MSH5: variants seen among roughly 807,000 people sequenced by gnomAD.
MSH5 encodes mutS homolog 5.
Under a neutral mutation model 107.7 loss-of-function variants are expected in MSH5, and 78 were observed. That is an observed-to-expected ratio of 0.72 (90% confidence interval 0.60 to 0.87). MSH5 has a LOEUF of 0.87. Ranked by LOEUF, MSH5 falls within the 40% of genes least tolerant of loss-of-function variation. MSH5 has a pLI of 0.00. For missense variants in MSH5, 889 were observed against 1,046.6 expected (o/e 0.85, Z 2.08); for synonymous variants, 326 against 399.5 (o/e 0.82, Z 2.19).
intron 8 of MSH5, 134 bp from the exon 9 acceptor site, chr6:31,745,103 C>CAAAAA (rs9279403): frequency 1.1e-4 from 39 of 359,932 alleles, no homozygotes; most frequent in South Asian, 1.7e-4. Flanking sequence ...GACTCCATCT[C>CAAAAA]AAAAAAAAAA....
rs999650322 is a variant in MSH5, at chr6:31,760,228, C to A, written c.1812+12C>A. The A allele has an allele frequency of 3.2e-6, 5 of 1,571,312 alleles. No individual in the cohort carries two copies. In the African/African-American group the frequency reaches 5.5e-5, roughly 17 times the overall value. On this transcript the variant is annotated intron_variant, in intron 19 of 24. Coordinates refer to ENST00000375750, the MANE Select transcript of MSH5 (RefSeq NM_172166.4). The surrounding 1 kb of genome is among the most constrained non-coding windows in gnomAD (Gnocchi z 5.6). Reference sequence around the variant, plus strand: ...TATACCTCAAACAGGTGAGGAGAAGCCCTGCAGCCTGGGCCTCTGGCGTCT... The same window carrying A: ...TATACCTCAAACAGGTGAGGAGAAGACCTGCAGCCTGGGCCTCTGGCGTCT...
At chr6:31,748,271 A>G (rs1328319803) in intron 10 of MSH5, among the ~76,000 whole-genome samples, 1 of 151,506 alleles carries the variant, frequency 6.6e-6, no homozygotes, top group Non-Finnish European at 1.5e-5. Flanking sequence ...CACCTTCTCA[A>G]GCCATGAACC....
Position 31,759,110 on chromosome 6 carries a change from T to C in MSH5, c.1340T>C (p.Leu447Pro), listed in dbSNP as rs1270579111. ...VIYIPLIGFL[L>P]SIPRLPSMVE... is the part of the protein sequence containing the mutation. ...TACTCTCCCCAGATTGGCTTCCTTC[T>C]TTCTATTCCCCGCCTGCCTTCCATG... Residue 447 changes from leucine to proline, a missense_variant, in exon 16 of 25, where the codon CTT becomes CCT. By Grantham distance (98) the Leu-to-Pro change is moderately conservative (BLOSUM62 -3). Coordinates refer to ENST00000375750, the MANE Select transcript of MSH5 (RefSeq NM_172166.4). The surrounding 1 kb of genome is among the most constrained non-coding windows in gnomAD (Gnocchi z 4.7). 1.2e-6 allele frequency: 2 copies of C among 1,612,926 alleles called. No homozygotes were observed. Among genetic ancestry groups the C allele is most frequent in the African/African-American group, 1.3e-5 (1 of 74,936 alleles).
chr6:31,753,748 G>A, intron 12 of MSH5, 119 bp downstream of exon 12: 1 of 822,514 alleles, frequency 1.2e-6, no homozygotes. Context: ...TTTTTTTTTT[G>A]GAGACAGCCT....
Position 31,759,907 on chromosome 6 carries a change from C to T in MSH5, c.1617C>T (p.Ala539=). The T allele has an allele frequency of 1.2e-6, 2 of 1,614,192 alleles. No homozygotes were observed. The highest frequency in any genetic ancestry group is 1.7e-6 in the Non-Finnish European group (2 of 1,180,034). The stretch of plus-strand genomic sequence containing the variant: ...TCCTGCTGGCTCTTGCCAGTGCTGC[C>T]CGGGACTATGGCTACTCAAGGCCGC... ...LDVLLALASA[A]RDYGYSRPRY... Residue 539 remains alanine, a synonymous_variant, in exon 18 of 25, where the codon GCC becomes GCT. Transcript: ENST00000375750. The surrounding 1 kb of genome is among the most constrained non-coding windows in gnomAD (Gnocchi z 4.7).
intron 10 of MSH5, among the ~76,000 whole-genome samples, chr6:31,750,789 C>G (rs1393344092): frequency 6.6e-6 from 1 of 152,184 alleles, no homozygotes; most frequent in Non-Finnish European, 1.5e-5. Flanking sequence ...TGGCCACAGA[C>G]TGCAATGTAA....
chr6:31,744,124 C>G (rs545671167), intron 6 of MSH5, 66 bp from the exon 7 acceptor site: 33 of 1,593,382 alleles, frequency 2.1e-5, no homozygotes, highest in Admixed American at 1.9e-4. Flanking sequence ...AGTAACTTTC[C>G]CTGGTGCTCT....
chr6:31,743,266 T>C (rs1809084103), intron 5 of MSH5, 96 bp downstream of exon 5: 1 of 1,320,316 alleles, frequency 7.6e-7, no homozygotes. Flanking sequence ...CCCTCTGCCT[T>C]ATGTCATCCT....
intron 12 of MSH5, 193 bp from the exon 13 acceptor site, chr6:31,757,972 G>A: frequency 2.9e-6 from 2 of 685,072 alleles, no homozygotes; most frequent in Non-Finnish European, 4.9e-6. Context: ...GCCTGGCCAG[G>A]ACCATATCTT....
Position 31,747,339 on chromosome 6 carries a change from C to T in MSH5, c.767-48C>T, listed in dbSNP as rs748120198. Reference sequence around the variant, plus strand: ...TTAGACACATAAACACATTCCATTCCCTGTCCCTGCCTTGTAACAAGTTCA... The same window carrying T: ...TTAGACACATAAACACATTCCATTCTCTGTCCCTGCCTTGTAACAAGTTCA... On this transcript the variant is annotated intron_variant, in intron 9 of 24. Transcript: ENST00000375750. 9.2e-5 allele frequency: 147 copies of T among 1,599,114 alleles called. 2 individuals carry two copies. In the Middle Eastern group the frequency reaches 9.9e-4, roughly 11 times the overall value.
At position 31,758,844 on chromosome 6, in the gene MSH5, T is replaced by G; in HGVS notation, c.1295T>G (p.Ile432Ser). The part of the protein sequence containing the change: ...RKELENLDSR[I>S]PSCSVIYIPL... ...GAGCTGGAGAATCTGGACTCCCGTA[T>G]TCCTTCATGCAGTGTCATCTACATC... Residue 432 changes from isoleucine (I) to serine (S), a missense_variant, in exon 15 of 25, where the codon ATT (isoleucine) becomes AGT (serine). Ile to Ser is a moderately radical substitution (Grantham distance 142). Around this residue, in one of 3 missense-constraint regions of MSH5, gnomAD observed 518 missense variants for 565.0 expected, o/e 0.92. Transcript: ENST00000375750. This position sits in a 1 kb window ranked among gnomAD's most constrained non-coding sequence, Gnocchi z 5.1. The G allele has an allele frequency of 6.2e-7, 1 of 1,614,212 alleles. No homozygotes were observed. The highest frequency in any genetic ancestry group is 8.5e-7 in the Non-Finnish European group (1 of 1,180,038).
intron 9 of MSH5, among the ~76,000 whole-genome samples, chr6:31,746,694 T>G (rs1809495296): frequency 6.6e-6 from 1 of 151,666 alleles, no homozygotes; most frequent in Non-Finnish European, 1.5e-5. Flanking sequence ...CAAGTGATCC[T>G]CCTGCCTTGG....
Position 31,758,680 on chromosome 6 carries a change from G to A in MSH5, c.1216+60G>A, listed in dbSNP as rs1810674547. 18 of 1,609,758 alleles carry A rather than the reference G, an allele frequency of 1.1e-5. No homozygotes were observed. The South Asian group carries it at 1.9e-4, about 17-fold the overall frequency. On this transcript the variant is annotated intron_variant, in intron 14 of 24. Transcript: ENST00000375750. The surrounding 1 kb of genome is among the most constrained non-coding windows in gnomAD (Gnocchi z 5.1). ...GCGCAGTGATGGAGTACCATCCTTG[G>A]CAGGTGGTCACCACAGCTGGGGATC...
chr6:31,751,969 C>T (rs1221636028), intron 10 of MSH5, among the ~76,000 whole-genome samples: 1 of 151,710 alleles, frequency 6.6e-6, no homozygotes, highest in African/African-American at 2.4e-5. Context: ...CATGGTGGCA[C>T]ACACCTGTAG....
chr6:31,751,037 C>T (rs1325817383), intron 10 of MSH5, among the ~76,000 whole-genome samples: 1 of 152,166 alleles, frequency 6.6e-6, no homozygotes, highest in Non-Finnish European at 1.5e-5. Context: ...CAGAGTCTCA[C>T]TCTGTCACCC....
In MSH5 at chr6:31,742,905, T is replaced by C; in HGVS notation, c.300T>C (p.Val100=). 3 of 1,613,046 alleles carry C rather than the reference T, an allele frequency of 1.9e-6. No homozygotes were observed. The highest frequency in any genetic ancestry group is 2.5e-6 in the Non-Finnish European group (3 of 1,180,024). Residue 100 remains valine, a synonymous_variant, in exon 4 of 25, where the codon GTT becomes GTC. Coordinates refer to ENST00000375750, the MANE Select transcript of MSH5 (RefSeq NM_172166.4). ...TGGATGAGATCAATCCCCAGTCTGT[T>C]GTTACGAGTGCCAAACAGGATGAGA... is the stretch of plus-strand genomic sequence containing the variant. ...RVLDEINPQS[V]VTSAKQDENM...
chr6:31,753,022 T>C (rs1292473326), intron 10 of MSH5, among the ~76,000 whole-genome samples: 1 of 152,206 alleles, frequency 6.6e-6, no homozygotes, highest in African/African-American at 2.4e-5. Flanking sequence ...TTCTAAAATA[T>C]TGACAAGCTC....
At chr6:31,753,817 C>T (rs1276300832) in intron 12 of MSH5, 188 bp downstream of exon 12, 1 of 569,414 alleles carries the variant, frequency 1.8e-6, no homozygotes, top group East Asian at 2.9e-5. Context: ...CAACCTCCGC[C>T]TCCTGGGTTC....
rs1471387364 is a variant in MSH5, at chr6:31,753,586, AGTT to A, written c.974_976del (p.Leu325del). On this transcript the variant is annotated inframe_deletion, in exon 12 of 25. Transcript: ENST00000375750. ...CTGTAGCTGATTCTGAAACGCATGA[AGTT>A]GTCCCACACCAAGGTCAGCGACTGG... 1 of 1,614,032 alleles carries A rather than the reference AGTT, an allele frequency of 6.2e-7. No individual in the cohort carries two copies. The highest frequency in any genetic ancestry group is 8.5e-7 in the Non-Finnish European group (1 of 1,180,030).
Sources: gnomAD v4.1 joint callset for allele counts (sites outside exome capture counted in the v4.1 genomes callset) on GRCh38, gnomAD v4.1.1 for gene constraint, gnomAD v4.1.1 regional missense constraint, Gnocchi (gnomAD v3.1) non-coding constraint, MANE v1.5 for transcripts, NCBI Gene and HGNC (gene_info 2026-07-23, HGNC 2026-07-21) for gene names.